Variants in BBOF1 observed in about 807,000 individuals in gnomAD.
BBOF1 encodes the protein basal body orientation factor 1.
In BBOF1, 62 loss-of-function variants were observed where a neutral mutation model predicts 68.0. The observed-to-expected ratio is 0.91, with a 90% CI of 0.74 to 1.13. The LOEUF (loss-of-function observed/expected upper bound fraction) is 1.13. Among genes scored for constraint, BBOF1 ranks in the 50% most tolerant of loss-of-function variants. BBOF1 has a pLI of 0.00. For synonymous variants in BBOF1, 208 were observed against 198.8 expected (o/e 1.05, Z -0.39); for missense variants, 534 against 600.1 (o/e 0.89, Z 1.15).
intron 3 of BBOF1, chr14:74,031,926 A>T (rs1330989620): frequency 6.6e-6 from 1 of 151,974 alleles, no homozygotes; most frequent in Non-Finnish European, 1.5e-5. Context: ...GTATCTTTTC[A>T]CATTTTGGCC....
chr14:74,055,693 C>A lies in BBOF1; in HGVS notation c.1388+8C>A. On this transcript the variant is annotated splice_region_variant and intron_variant, in intron 9 of 11. Transcript: ENST00000394009. Reference sequence around the variant, plus strand: ...GAATGGCTGTCCTTCTAGGTAACTCCCTATTTCTGCAGTGAAATACCAAGT... The same window carrying A: ...GAATGGCTGTCCTTCTAGGTAACTCACTATTTCTGCAGTGAAATACCAAGT... 1.9e-6 allele frequency: 3 copies of A among 1,594,870 alleles called. No homozygotes were observed. Among genetic ancestry groups the A allele is most frequent in the South Asian group, 2.2e-5 (2 of 89,862 alleles).
At chr14:74,066,929 A>G, downstream of BBOF1, 1 of 1,572,410 alleles carries the variant, frequency 6.4e-7, no homozygotes. Context: ...CATTAACATA[A>G]ATTATGACTG....
At chr14:74,070,885 C>A, downstream of BBOF1, 1 of 350,986 alleles carries the variant, frequency 2.8e-6, no homozygotes, top group South Asian at 2.9e-5. Context: ...TGCAAATTCT[C>A]TGAATTAAAT....
At chr14:74,077,769 T>C (rs777617717) in intron 9 of BBOF1, among the ~76,000 whole-genome samples, 1 of 152,152 alleles carries the variant, frequency 6.6e-6, no homozygotes, top group Non-Finnish European at 1.5e-5. Flanking sequence ...ACCAACCATA[T>C]CCAAGCCACA....
At chr14:74,045,370 C>T (rs1247910826) in intron 5 of BBOF1, among the ~76,000 whole-genome samples, 3 of 152,032 alleles carry the variant, frequency 2.0e-5, no homozygotes, top group Middle Eastern at 3.2e-3. Flanking sequence ...AGTGCAATGG[C>T]GCGATCTTGG....
At chr14:74,059,882 A>G (rs1162111530) in intron 11 of BBOF1, 3 of 153,740 alleles carry the variant, frequency 2.0e-5, no homozygotes, top group African/African-American at 7.2e-5. Flanking sequence ...TAGAATTAAT[A>G]GTGGTCATGA....
intron 9 of BBOF1, chr14:74,072,655 C>A (rs778032889): frequency 7.5e-6 from 12 of 1,599,772 alleles, no homozygotes; most frequent in African/African-American, 1.3e-5. Context: ...AAACATGAAA[C>A]TTTGTATTAG....
At chr14:74,040,861 C>T (rs1308860465) in intron 5 of BBOF1, 7 of 510,996 alleles carry the variant, frequency 1.4e-5, no homozygotes, top group Non-Finnish European at 2.0e-5. Flanking sequence ...TTCTTGTCCT[C>T]TTCTGAAGGC....
chr14:74,082,747 C>CT, intron 12 of BBOF1: 1 of 152,262 alleles, frequency 6.6e-6, no homozygotes, highest in South Asian at 2.1e-4. Flanking sequence ...CACGTTACAA[C>CT]TCCTAGTTGG....
chr14:74,060,824 T>C, intron 11 of BBOF1: 92 of 895,208 alleles, frequency 1.0e-4, no homozygotes, highest in Non-Finnish European at 1.6e-4. Flanking sequence ...TTGAAGGAGG[T>C]ATTATAAAGT....
At chr14:74,066,167 C>G (rs951441465), downstream of BBOF1, 1 of 163,318 alleles carries the variant, frequency 6.1e-6, no homozygotes, top group Non-Finnish European at 1.4e-5. Flanking sequence ...ATAAGCTAGG[C>G]AGCAAGAGGG....
Position 74,056,836 on chromosome 14 carries a change from A to G in BBOF1, c.1389-70A>G, listed in dbSNP as rs184593536. Reference sequence around the variant, plus strand: ...AAAAATAAAAAAAAATTAAAATACAAAAAGAAAATATGAAGGCATGAGGAG... The same window carrying G: ...AAAAATAAAAAAAAATTAAAATACAGAAAGAAAATATGAAGGCATGAGGAG... On this transcript the variant is annotated intron_variant, in intron 9 of 11. Coordinates refer to ENST00000394009, the MANE Select transcript of BBOF1 (RefSeq NM_025057.3). 6.1e-4 allele frequency: 650 copies of G among 1,058,664 alleles called. 5 individuals carry two copies. In the African/African-American group the frequency reaches 9.6e-3, roughly 16 times the overall value. The allele number at this position is 1,058,664 out of a possible 1,614,324, so 65.6% of individuals were successfully genotyped here.
chr14:74,037,577 A>C (rs2059736332), intron 4 of BBOF1, among the ~76,000 whole-genome samples: 1 of 150,592 alleles, frequency 6.6e-6, no homozygotes, highest in Non-Finnish European at 1.5e-5. Flanking sequence ...GGCATGAGCC[A>C]CCATGCCCAG....
intron 11 of BBOF1, chr14:74,059,294 A>G (rs1363993358): frequency 2.3e-6 from 1 of 432,984 alleles, no homozygotes; most frequent in Non-Finnish European, 4.6e-6. Context: ...TTTGGCAAGT[A>G]ATAGCAGGTT....
At chr14:74,069,734 CAA>C (rs1432223177), downstream of BBOF1, among the ~76,000 whole-genome samples, 7 of 151,794 alleles carry the variant, frequency 4.6e-5, no homozygotes, top group East Asian at 1.2e-3. Flanking sequence ...GCCTGGGCAA[CAA>C]GAGCAAAACT....
At chr14:74,074,332 G>T (rs1460830688) in intron 9 of BBOF1, among the ~76,000 whole-genome samples, 3 of 149,396 alleles carry the variant, frequency 2.0e-5, no homozygotes, top group Non-Finnish European at 4.4e-5. Context: ...CTGTCATCAG[G>T]CTGGAGTGCA....
At chr14:74,061,569 G>A (rs1170880962) in intron 11 of BBOF1, among the ~76,000 whole-genome samples, 14 of 147,670 alleles carry the variant, frequency 9.5e-5, no homozygotes, top group South Asian at 2.1e-4. Flanking sequence ...CAGGTGATCC[G>A]CCAGTCTTGG....
At chr14:74,056,225 G>A (rs1329932816) in intron 9 of BBOF1, among the ~76,000 whole-genome samples, 2 of 137,816 alleles carry the variant, frequency 1.5e-5, no homozygotes, top group African/African-American at 5.4e-5. Flanking sequence ...TTTTGAGAAG[G>A]AGTCTCATTC....
downstream of BBOF1, among the ~76,000 whole-genome samples, chr14:74,070,425 A>G (rs2060532994): frequency 6.6e-6 from 1 of 152,142 alleles, no homozygotes; most frequent in Non-Finnish European, 1.5e-5. Flanking sequence ...AGGCAGAGGC[A>G]GGAAAATTGC....
Sources: gnomAD v4.1 joint callset for allele counts (sites outside exome capture counted in the v4.1 genomes callset) on GRCh38, gnomAD v4.1.1 for gene constraint, MANE v1.5 for transcripts, NCBI Gene and HGNC (gene_info 2026-07-23, HGNC 2026-07-21) for gene names.